Variants in CHIC1 observed in about 807,000 individuals in gnomAD.
CHIC1 encodes the protein cysteine rich hydrophobic domain 1, also known as cysteine-rich hydrophobic domain-containing protein 1.
CHIC1 carries 7 observed loss-of-function variants against 18.5 expected under a neutral mutation model. The ratio of observed to expected loss-of-function variants is 0.38; its 90% confidence interval spans 0.22 to 0.71. The LOEUF (loss-of-function observed/expected upper bound fraction) is 0.71, where lower values mean the gene tolerates loss of function less well. Ranked by LOEUF, CHIC1 falls within the 30% of genes least tolerant of loss-of-function variation. CHIC1 has a pLI of 0.49. For missense variants in CHIC1, 159 were observed against 176.9 expected (o/e 0.90, Z 0.57); for synonymous variants, 77 against 73.5 (o/e 1.05, Z -0.25).
At chrX:73,573,470 C>T (rs771100846) in intron 1 of CHIC1, among the ~76,000 whole-genome samples, 2 of 110,877 alleles carry the variant, frequency 1.8e-5, no homozygotes, top group Admixed American at 9.6e-5. Flanking sequence ...TTTCTAATTC[C>T]GTGAAGAATG....
chrX:73,671,391 C>T (rs2058029400), intron 3 of CHIC1, among the ~76,000 whole-genome samples: 1 of 112,077 alleles, frequency 8.9e-6, no homozygotes, highest in Non-Finnish European at 1.9e-5. Context: ...TTTTATCCAT[C>T]TCTTCTCTTC....
intron 1 of CHIC1, among the ~76,000 whole-genome samples, chrX:73,568,573 T>C (rs2147536238): frequency 9.0e-6 from 1 of 111,640 alleles, no homozygotes; most frequent in Non-Finnish European, 1.9e-5. Flanking sequence ...TTAGGATAAG[T>C]ATTTGGATCT....
intron 1 of CHIC1, among the ~76,000 whole-genome samples, chrX:73,566,407 A>G (rs1348991014): frequency 9.1e-6 from 1 of 110,006 alleles, no homozygotes; most frequent in Non-Finnish European, 1.9e-5. Context: ...GAGACCCTCC[A>G]TTTGTCCAAT....
chrX:73,603,485 C>G (rs2057662420), intron 3 of CHIC1, among the ~76,000 whole-genome samples: 1 of 107,597 alleles, frequency 9.3e-6, no homozygotes, highest in African/African-American at 3.6e-5. Flanking sequence ...GTTTGAATAC[C>G]CTTTATTTTC....
intron 1 of CHIC1, among the ~76,000 whole-genome samples, chrX:73,567,963 A>G (rs1229292385): frequency 9.0e-6 from 1 of 111,381 alleles, no homozygotes; most frequent in Non-Finnish European, 1.9e-5. Context: ...TGCAATGACA[A>G]GAACAATTTC....
intron 3 of CHIC1, among the ~76,000 whole-genome samples, chrX:73,661,828 C>T (rs1449786057): frequency 1.8e-5 from 2 of 110,901 alleles, no homozygotes; most frequent in Admixed American, 1.9e-4. Flanking sequence ...TATGCGGTCT[C>T]CACCAAACAG....
At chrX:73,602,934 C>A (rs1411744965) in intron 3 of CHIC1, among the ~76,000 whole-genome samples, 2 of 108,400 alleles carry the variant, frequency 1.8e-5, no homozygotes, top group Middle Eastern at 4.7e-3. Context: ...TAGTATAATT[C>A]GAAGTCAGAT....
intron 3 of CHIC1, among the ~76,000 whole-genome samples, chrX:73,600,862 G>A (rs1476890642): frequency 1.9e-5 from 2 of 106,475 alleles, no homozygotes; most frequent in Non-Finnish European, 3.8e-5. Flanking sequence ...GATGGAGGAA[G>A]ATCTACCAAG....
intron 3 of CHIC1, among the ~76,000 whole-genome samples, chrX:73,663,699 T>C (rs776907805): frequency 5.4e-4 from 60 of 111,165 alleles, no homozygotes; most frequent in African/African-American, 1.9e-3. Flanking sequence ...TAATCATGTG[T>C]CTCTGATCAG....
intron 3 of CHIC1, among the ~76,000 whole-genome samples, chrX:73,606,563 A>G (rs147468364): frequency 0.017 from 1,869 of 107,523 alleles, 56 homozygotes; most frequent in Admixed American, 0.063. Flanking sequence ...GAGAAGAGAC[A>G]TTCTGGTTTT....
At chrX:73,642,220 A>G (rs373155526) in intron 3 of CHIC1, among the ~76,000 whole-genome samples, 28 of 110,979 alleles carry the variant, frequency 2.5e-4, no homozygotes, top group African/African-American at 7.9e-4. Flanking sequence ...TCTAACTGGT[A>G]TGAGATGGTA....
At chrX:73,590,618 A>G (rs2057576998) in intron 3 of CHIC1, among the ~76,000 whole-genome samples, 1 of 111,318 alleles carries the variant, frequency 9.0e-6, no homozygotes, top group South Asian at 3.7e-4. Context: ...TGCTACACCT[A>G]TTTCATCCCA....
At chrX:73,564,079 G>A (rs1043986063) in intron 1 of CHIC1, among the ~76,000 whole-genome samples, 10 of 111,667 alleles carry the variant, frequency 9.0e-5, no homozygotes, top group Admixed American at 9.4e-5. Context: ...TCTTCCTATC[G>A]AATCCTTCCT....
At chrX:73,577,368 G>T in intron 1 of CHIC1, 39 bp from the exon 2 acceptor site, 1 of 1,067,754 alleles carries the variant, frequency 9.4e-7, no homozygotes, top group Non-Finnish European at 1.3e-6. Flanking sequence ...ATTTAAGTAT[G>T]CTGGGTAGAA....
At chrX:73,633,203 A>G (rs1003251300) in intron 3 of CHIC1, among the ~76,000 whole-genome samples, 5 of 111,157 alleles carry the variant, frequency 4.5e-5, no homozygotes, top group African/African-American at 1.6e-4. Context: ...AGGCAGATTT[A>G]CTGGTGATGA....
intron 3 of CHIC1, among the ~76,000 whole-genome samples, chrX:73,633,895 A>AT (rs1354879291): frequency 9.3e-6 from 1 of 107,543 alleles, no homozygotes; most frequent in Non-Finnish European, 1.9e-5. Flanking sequence ...TTTTTAATAG[A>AT]TTTTTTACTG....
At chrX:73,657,933 C>T (rs959701202) in intron 3 of CHIC1, among the ~76,000 whole-genome samples, 2 of 111,387 alleles carry the variant, frequency 1.8e-5, no homozygotes, top group Non-Finnish European at 3.8e-5. Context: ...GATTTGTATA[C>T]GTTGAACCAA....
At chrX:73,627,404 C>T (rs766319854) in intron 3 of CHIC1, among the ~76,000 whole-genome samples, 1 of 112,712 alleles carries the variant, frequency 8.9e-6, no homozygotes, top group Non-Finnish European at 1.9e-5. Context: ...GGCAAGATCA[C>T]CCAGGCCTTG....
At chrX:73,660,402 G>A (rs2057973968) in intron 3 of CHIC1, among the ~76,000 whole-genome samples, 1 of 112,112 alleles carries the variant, frequency 8.9e-6, no homozygotes, top group East Asian at 2.8e-4. Context: ...CTGCCCAGGT[G>A]ACAGGGCGGA....
Sources: gnomAD v4.1 joint callset for allele counts (sites outside exome capture counted in the v4.1 genomes callset) on GRCh38, gnomAD v4.1.1 for gene constraint, MANE v1.5 for transcripts, NCBI Gene and HGNC (gene_info 2026-07-23, HGNC 2026-07-21) for gene names.